The following ANKFN1 variants were observed in gnomAD, a reference collection of about 807,000 sequenced individuals.
ANKFN1 encodes ankyrin repeat and fibronectin type-III domain-containing protein 1.
In ANKFN1, 74 loss-of-function variants were observed where a neutral mutation model predicts 108.7. The ratio of observed to expected loss-of-function variants is 0.68; its 90% confidence interval spans 0.56 to 0.83. ANKFN1 has a LOEUF of 0.83. Among genes scored for constraint, ANKFN1 ranks in the 40% least tolerant of loss-of-function variants. ANKFN1 has a pLI of 0.00. For synonymous variants in ANKFN1, 547 were observed against 516.2 expected (o/e 1.06, Z -0.81); for missense variants, 1,505 against 1,382.3 (o/e 1.09, Z -1.41).
intron 19 of ANKFN1, among the ~76,000 whole-genome samples, chr17:56,492,592 G>C (rs2051075174): frequency 6.6e-6 from 1 of 152,046 alleles, no homozygotes; most frequent in Non-Finnish European, 1.5e-5. Flanking sequence ...CACCATGGTG[G>C]GTAGTGGTAG....
intron 4 of ANKFN1, among the ~76,000 whole-genome samples, chr17:56,049,912 T>C (rs916791067): frequency 2.4e-4 from 37 of 152,088 alleles, no homozygotes; most frequent in Non-Finnish European, 5.1e-4. Context: ...TACCCAGTAA[T>C]GGGATGGCTC....
At chr17:56,096,104 T>C (rs1158193466) in intron 4 of ANKFN1, among the ~76,000 whole-genome samples, 1 of 152,194 alleles carries the variant, frequency 6.6e-6, no homozygotes, top group Non-Finnish European at 1.5e-5. Context: ...AAAGAGAATT[T>C]ATGGACAGGT....
At chr17:56,228,803 G>A (rs1916487314) in intron 3 of ANKFN1, among the ~76,000 whole-genome samples, 1 of 152,052 alleles carries the variant, frequency 6.6e-6, no homozygotes. Flanking sequence ...GTTGAGTCAT[G>A]TACCCTCATG....
chr17:56,320,236 C>T (rs1172727807), intron 3 of ANKFN1, among the ~76,000 whole-genome samples: 1 of 152,178 alleles, frequency 6.6e-6, no homozygotes, highest in African/African-American at 2.4e-5. Flanking sequence ...TGACAAACCA[C>T]ATCATGTATC....
chr17:56,364,800 GTGT>G, intron 6 of ANKFN1, among the ~76,000 whole-genome samples: 1 of 152,318 alleles, frequency 6.6e-6, no homozygotes, highest in East Asian at 1.9e-4. Flanking sequence ...CCATGTCTGG[GTGT>G]AATAAGTTAT....
At chr17:56,412,701 A>G (rs1181197491) in intron 8 of ANKFN1, among the ~76,000 whole-genome samples, 1 of 152,214 alleles carries the variant, frequency 6.6e-6, no homozygotes. Context: ...GTCTTTGGCC[A>G]CGAACTGAAG....
At chr17:56,427,220 T>A (rs1192856545) in intron 8 of ANKFN1, among the ~76,000 whole-genome samples, 1 of 152,142 alleles carries the variant, frequency 6.6e-6, no homozygotes, top group African/African-American at 2.4e-5. Flanking sequence ...CACCTTAGCT[T>A]ACATGTCTGT....
chr17:56,255,968 G>A (rs1348977000), intron 3 of ANKFN1, among the ~76,000 whole-genome samples: 4 of 152,080 alleles, frequency 2.6e-5, no homozygotes, highest in African/African-American at 4.8e-5. Flanking sequence ...GAGACCGGGA[G>A]TTCCAGACCA....
intron 3 of ANKFN1, among the ~76,000 whole-genome samples, chr17:56,266,053 C>G (rs1052211928): frequency 6.6e-6 from 1 of 152,090 alleles, no homozygotes; most frequent in Non-Finnish European, 1.5e-5. Flanking sequence ...GAGTAGATAA[C>G]TTTTATAAGC....
chr17:56,363,783 G>T (rs1259636330), intron 6 of ANKFN1, among the ~76,000 whole-genome samples: 1 of 152,064 alleles, frequency 6.6e-6, no homozygotes. Context: ...TGACAAAATC[G>T]ATGGAATTGG....
intron 3 of ANKFN1, among the ~76,000 whole-genome samples, chr17:56,318,776 T>C (rs2045280313): frequency 6.6e-6 from 1 of 152,200 alleles, no homozygotes; most frequent in Admixed American, 6.5e-5. Context: ...AACGTCTTAG[T>C]TCTGAGTTAG....
At chr17:56,469,404 C>G (rs775397145) in intron 15 of ANKFN1, among the ~76,000 whole-genome samples, 1 of 152,122 alleles carries the variant, frequency 6.6e-6, no homozygotes, top group Non-Finnish European at 1.5e-5. Flanking sequence ...AGAGATAGGT[C>G]TTGGTGGTAC....
At chr17:56,385,079 G>C (rs2144838897) in intron 8 of ANKFN1, among the ~76,000 whole-genome samples, 1 of 151,322 alleles carries the variant, frequency 6.6e-6, no homozygotes. Context: ...ATACTACAAG[G>C]CTACAGTAAC....
intron 2 of ANKFN1, among the ~76,000 whole-genome samples, chr17:56,227,194 C>A (rs1007097905): frequency 2.6e-5 from 4 of 152,040 alleles, no homozygotes; most frequent in African/African-American, 9.7e-5. Flanking sequence ...CTAAAAAGTA[C>A]CCCTTTCAAT....
chr17:56,460,124 G>A (rs774560376), intron 14 of ANKFN1, among the ~76,000 whole-genome samples: 8 of 150,792 alleles, frequency 5.3e-5, no homozygotes, highest in South Asian at 4.2e-4. Flanking sequence ...ATTCTCACAC[G>A]TAATGTTAGT....
At chr17:56,311,149 ACTCT>A (rs1386854407) in intron 3 of ANKFN1, among the ~76,000 whole-genome samples, 4 of 142,624 alleles carry the variant, frequency 2.8e-5, no homozygotes, top group Non-Finnish European at 4.6e-5. Context: ...TCTCTCGCTC[ACTCT>A]CTCTCTCGTG....
Position 56,469,184 on chromosome 17 carries a change from G to A in ANKFN1, c.1773+2613G>A, listed in dbSNP as rs561693263. Among the ~76,000 whole-genome samples the A allele has an allele frequency of 1.1e-4, 17 of 151,894 alleles. 1 individual carries two copies. Among genetic ancestry groups the A allele is most frequent in the South Asian group, 2.1e-4 (1 of 4,792 alleles). ...AGATCCAAGTGGAAAATTTACCCCCGCTGACTGGCACATTCCCACCTGATG... is the reference window on the plus strand; with the variant it reads ...AGATCCAAGTGGAAAATTTACCCCCACTGACTGGCACATTCCCACCTGATG... On this transcript the variant is annotated intron_variant, in intron 15 of 20. Coordinates refer to ENST00000682825, the MANE Select transcript of ANKFN1 (RefSeq NM_001370326.1).
At chr17:56,249,093 C>T (rs1194940651) in intron 3 of ANKFN1, among the ~76,000 whole-genome samples, 1 of 152,056 alleles carries the variant, frequency 6.6e-6, no homozygotes, top group Non-Finnish European at 1.5e-5. Flanking sequence ...AAGTAATTTA[C>T]CTATAGTGAA....
intron 8 of ANKFN1, among the ~76,000 whole-genome samples, chr17:56,386,600 G>C (rs1349626989): frequency 1.9e-5 from 1 of 52,054 alleles, no homozygotes; most frequent in African/African-American, 7.4e-5. Flanking sequence ...TTTTTTTTTT[G>C]CATATTGTCT....
Sources: gnomAD v4.1 joint callset for allele counts (sites outside exome capture counted in the v4.1 genomes callset) on GRCh38, gnomAD v4.1.1 for gene constraint, MANE v1.5 for transcripts, NCBI Gene and HGNC (gene_info 2026-07-23, HGNC 2026-07-21) for gene names.